The following DMD variants were observed in gnomAD, a reference collection of about 807,000 sequenced individuals.
The protein encoded by DMD is dystrophin, also known as mutant dystrophin.
DMD carries 63 observed loss-of-function variants against 330.1 expected under a neutral mutation model. The observed-to-expected ratio is 0.19, with a 90% CI of 0.16 to 0.24. DMD has a LOEUF of 0.24. Among genes scored for constraint, DMD ranks in the 10% least tolerant of loss-of-function variants. DMD has a pLI of 1.00. For missense variants in DMD, 3,344 were observed against 2,684.1 expected, an observed-to-expected ratio of 1.25 and a Z score of -5.43; for synonymous variants, 1,223 against 959.8, an observed-to-expected ratio of 1.27 and a Z score of -5.07.
At chrX:33,208,705 T>C (rs1202143581) in intron 1 of DMD, among the ~76,000 whole-genome samples, 2 of 110,971 alleles carry the variant, frequency 1.8e-5, no homozygotes, top group African/African-American at 6.5e-5. Flanking sequence ...TATATATAAA[T>C]ATATATACTC....
At chrX:32,854,151 C>A (rs1364503683) in intron 2 of DMD, among the ~76,000 whole-genome samples, 2 of 111,369 alleles carry the variant, frequency 1.8e-5, no homozygotes, top group Admixed American at 9.6e-5. Flanking sequence ...GGCAAAAAGT[C>A]AACTAGGAAA....
At chrX:32,817,137 T>G (rs1462273461) in intron 5 of DMD, among the ~76,000 whole-genome samples, 4 of 111,960 alleles carry the variant, frequency 3.6e-5, no homozygotes, top group Non-Finnish European at 7.5e-5. Flanking sequence ...CTGTGTATCT[T>G]ACATGCAAGG....
intron 55 of DMD, among the ~76,000 whole-genome samples, chrX:31,537,946 T>C (rs1603340348): frequency 8.9e-6 from 1 of 112,541 alleles, no homozygotes; most frequent in African/African-American, 3.2e-5. Flanking sequence ...CCTATGGATA[T>C]CATGCAGGCC....
intron 62 of DMD, among the ~76,000 whole-genome samples, chrX:31,277,478 G>A (rs1379947470): frequency 8.9e-6 from 1 of 112,140 alleles, no homozygotes; most frequent in Non-Finnish European, 1.9e-5. Flanking sequence ...GGAGGAAAGA[G>A]TGTAAGTGAA....
chrX:32,660,242 A>G (rs576468672), intron 9 of DMD, among the ~76,000 whole-genome samples: 19 of 90,127 alleles, frequency 2.1e-4, no homozygotes, highest in Middle Eastern at 4.9e-3. Context: ...ATTTTCAAGT[A>G]AAAAAAAAAC....
At chrX:32,329,753 G>C (rs2097669935) in intron 41 of DMD, among the ~76,000 whole-genome samples, 1 of 112,233 alleles carries the variant, frequency 8.9e-6, no homozygotes, top group East Asian at 2.8e-4. Context: ...TATTAACTAA[G>C]AAAGCACTAA....
At chrX:31,383,059 C>T (rs1237241948) in intron 60 of DMD, among the ~76,000 whole-genome samples, 2 of 109,292 alleles carry the variant, frequency 1.8e-5, no homozygotes, top group Non-Finnish European at 3.8e-5. Flanking sequence ...TGACATTCCA[C>T]CACAAAAGAA....
chrX:31,861,736 T>TATACACACAC (rs1556950293), intron 48 of DMD, among the ~76,000 whole-genome samples: 1 of 76,879 alleles, frequency 1.3e-5, no homozygotes, highest in Non-Finnish European at 2.4e-5. Flanking sequence ...AAGAGTGCTA[T>TATACACACAC]ACACACACAC....
intron 1 of DMD, among the ~76,000 whole-genome samples, chrX:33,121,620 T>G (rs187436218): frequency 9.3e-4 from 104 of 112,221 alleles, no homozygotes; most frequent in African/African-American, 3.4e-3. Flanking sequence ...CAAAATGCTC[T>G]GCAGAATCTC....
intron 55 of DMD, among the ~76,000 whole-genome samples, chrX:31,612,299 T>C (rs1038351995): frequency 2.7e-5 from 3 of 112,153 alleles, no homozygotes; most frequent in Admixed American, 9.5e-5. Flanking sequence ...TTAGCTCATC[T>C]TTTGATTTGC....
intron 60 of DMD, among the ~76,000 whole-genome samples, chrX:31,410,921 G>GTTTTTT (rs758238229): frequency 3.3e-5 from 2 of 59,790 alleles, no homozygotes; most frequent in Non-Finnish European, 5.9e-5. Flanking sequence ...CTGTGTGTGT[G>GTTTTTT]TTTTTTTTTT....
intron 43 of DMD, among the ~76,000 whole-genome samples, chrX:32,269,053 G>A (rs1227631300): frequency 9.0e-6 from 1 of 111,007 alleles, no homozygotes; most frequent in Admixed American, 9.6e-5. Context: ...CCTGAAATTG[G>A]TGATCAGCAG....
Position 33,051,646 on chromosome X carries a change from A to ATTTTTTTTTT in DMD, c.32-31456_32-31447dup, listed in dbSNP as rs754035822. ...TAAGGAAAATATATAATTACGCTCT[A>ATTTTTTTTTT]TTTTTTTTTTTTTTTTTTTGAGACG... is the stretch of plus-strand genomic sequence containing the variant. On this transcript the variant is annotated intron_variant, in intron 1 of 78. Transcript: ENST00000357033. Among the ~76,000 whole-genome samples the ATTTTTTTTTT allele has an allele frequency of 3.0e-3, 216 of 71,901 alleles. 22 individuals carry two copies. The highest frequency in any genetic ancestry group is 0.013 in the African/African-American group (204 of 15,350). The allele number at this position is 71,901 out of a possible 115,157, so 62.4% of individuals were successfully genotyped here.
At chrX:31,985,818 C>T (rs1390771749) in intron 44 of DMD, among the ~76,000 whole-genome samples, 1 of 111,430 alleles carries the variant, frequency 9.0e-6, no homozygotes, top group Non-Finnish European at 1.9e-5. Flanking sequence ...ATAATGATAA[C>T]GGAGACTAAT....
At chrX:32,166,580 CTCCTT>C (rs1294092265) in intron 44 of DMD, among the ~76,000 whole-genome samples, 1 of 112,119 alleles carries the variant, frequency 8.9e-6, no homozygotes, top group Non-Finnish European at 1.9e-5. Context: ...TATTTATTTT[CTCCTT>C]TCCTAACTTC....
At chrX:32,412,277 G>C in intron 29 of DMD, 1 of 925,324 alleles carries the variant, frequency 1.1e-6, no homozygotes, top group East Asian at 7.1e-5. Flanking sequence ...GATTTGGTTT[G>C]CTTAGAATAG....
At position 31,801,579 on chromosome X, in the gene DMD, AT is replaced by A. The variant is rs754375806; in HGVS notation, c.7309+18395del. On this transcript the variant is annotated intron_variant, in intron 50 of 78. Coordinates refer to ENST00000357033, the MANE Select transcript of DMD (RefSeq NM_004006.3). ...ACAAGACTGGATCTTAAGTGTCCTCATCCCCCCCCCCCAACACACACACAAT... is the reference window on the plus strand; with the variant it reads ...ACAAGACTGGATCTTAAGTGTCCTCACCCCCCCCCCCAACACACACACAAT... Among the ~76,000 whole-genome samples, 537 of 74,203 alleles carry A rather than the reference AT, an allele frequency of 7.2e-3. 4 individuals are homozygous for A. Among genetic ancestry groups the A allele is most frequent in the Non-Finnish European group, 0.012 (456 of 39,127 alleles). The allele number at this position is 74,203 out of a possible 115,157, so 64.4% of individuals were successfully genotyped here.
intron 18 of DMD, among the ~76,000 whole-genome samples, chrX:32,503,675 C>A (rs1250070107): frequency 9.0e-6 from 1 of 110,715 alleles, no homozygotes; most frequent in Non-Finnish European, 1.9e-5. Flanking sequence ...CCTGCTTCAG[C>A]CTCCCGAGTA....
At chrX:32,378,781 T>C (rs1475677548) in intron 34 of DMD, among the ~76,000 whole-genome samples, 1 of 111,367 alleles carries the variant, frequency 9.0e-6, no homozygotes, top group African/African-American at 3.2e-5. Flanking sequence ...GAATTTAATT[T>C]AGTTTTTAAA....
Sources: gnomAD v4.1 joint callset for allele counts (sites outside exome capture counted in the v4.1 genomes callset) on GRCh38, gnomAD v4.1.1 for gene constraint, MANE v1.5 for transcripts, NCBI Gene and HGNC (gene_info 2026-07-23, HGNC 2026-07-21) for gene names.